Variants in ZFPM2 observed in about 807,000 individuals in gnomAD.
ZFPM2 encodes zinc finger protein, FOG family member 2, also known as zinc finger protein ZFPM2.
A neutral mutation model predicts 98.6 loss-of-function variants in ZFPM2; 20 were observed. That is an observed-to-expected ratio of 0.20 (90% CI 0.14 to 0.29). The LOEUF is 0.29. Ranked by LOEUF, ZFPM2 falls within the 10% of genes least tolerant of loss-of-function variation. ZFPM2 has a pLI of 1.00. For synonymous variants in ZFPM2, 518 were observed against 502.7 expected (o/e 1.03, Z -0.41); for missense variants, 1,310 against 1,388.6 (o/e 0.94, Z 0.90).
At chr8:105,416,423 G>T (rs1009523637) in intron 1 of ZFPM2, among the ~76,000 whole-genome samples, 4 of 151,448 alleles carry the variant, frequency 2.6e-5, no homozygotes, top group African/African-American at 9.7e-5. Flanking sequence ...TAAAAGGAAA[G>T]CATATATATT....
At chr8:105,532,805 T>G (rs10098139) in intron 3 of ZFPM2, among the ~76,000 whole-genome samples, 1 of 151,938 alleles carries the variant, frequency 6.6e-6, no homozygotes, top group African/African-American at 2.4e-5. Flanking sequence ...TCGTTATGGC[T>G]GGTTTACAAG....
At chr8:105,554,397 C>T (rs1346291479) in intron 3 of ZFPM2, among the ~76,000 whole-genome samples, 4 of 152,148 alleles carry the variant, frequency 2.6e-5, no homozygotes, top group African/African-American at 7.2e-5. Flanking sequence ...CTCTGCCATA[C>T]TTCAGCCACC....
intron 1 of ZFPM2, among the ~76,000 whole-genome samples, chr8:105,394,123 G>C (rs555985792): frequency 6.6e-6 from 1 of 152,124 alleles, no homozygotes; most frequent in East Asian, 1.9e-4. Flanking sequence ...TCTATCTCCT[G>C]ACCTAGTGAT....
chr8:105,357,086 C>G (rs531257077), intron 1 of ZFPM2, among the ~76,000 whole-genome samples: 1 of 140,166 alleles, frequency 7.1e-6, no homozygotes, highest in Non-Finnish European at 1.6e-5. Flanking sequence ...GGCTTCTGTT[C>G]CGGTGAAGTA....
intron 3 of ZFPM2, among the ~76,000 whole-genome samples, chr8:105,482,294 AG>A (rs1225331138): frequency 6.6e-6 from 1 of 152,164 alleles, no homozygotes; most frequent in Non-Finnish European, 1.5e-5. Flanking sequence ...ACTCTGATAT[AG>A]TATCTTTCCT....
intron 1 of ZFPM2, among the ~76,000 whole-genome samples, chr8:105,347,393 A>G (rs571119747): frequency 5.3e-5 from 8 of 152,262 alleles, no homozygotes; most frequent in South Asian, 4.1e-4. Context: ...CTTTTACTCT[A>G]TGGAGTTAAT....
chr8:105,633,806 G>T (rs553989497), intron 4 of ZFPM2, among the ~76,000 whole-genome samples: 1 of 152,218 alleles, frequency 6.6e-6, no homozygotes, highest in East Asian at 1.9e-4. Flanking sequence ...TGTTGCTCAG[G>T]ACAGAGCTTT....
At chr8:105,549,599 A>G (rs542458519) in intron 3 of ZFPM2, among the ~76,000 whole-genome samples, 18 of 77,822 alleles carry the variant, frequency 2.3e-4, no homozygotes, top group African/African-American at 8.3e-4. Context: ...TCCTTCCTCT[A>G]TCTCTCTCTC....
At chr8:105,350,348 A>G in intron 1 of ZFPM2, among the ~76,000 whole-genome samples, 1 of 152,146 alleles carries the variant, frequency 6.6e-6, no homozygotes, top group East Asian at 1.9e-4. Context: ...ATGGCAATCT[A>G]CTCCACATTG....
chr8:105,661,681 T>A (rs556592269), intron 5 of ZFPM2, among the ~76,000 whole-genome samples: 1 of 152,142 alleles, frequency 6.6e-6, no homozygotes, highest in South Asian at 2.1e-4. Context: ...TGGGGCTCTG[T>A]GATTTTTTTT....
At chr8:105,486,836 T>A (rs991999018) in intron 3 of ZFPM2, among the ~76,000 whole-genome samples, 4 of 152,228 alleles carry the variant, frequency 2.6e-5, no homozygotes, top group Admixed American at 6.5e-5. Context: ...TATACTTTTT[T>A]CCTCTGTAAG....
intron 3 of ZFPM2, among the ~76,000 whole-genome samples, chr8:105,480,467 A>G (rs530269845): frequency 8.3e-4 from 127 of 152,308 alleles, no homozygotes; most frequent in African/African-American, 2.9e-3. Flanking sequence ...TGCATGTGCT[A>G]CCGCAGAGAA....
chr8:105,585,708 A>T (rs968995916), intron 4 of ZFPM2, among the ~76,000 whole-genome samples: 32 of 152,236 alleles, frequency 2.1e-4, no homozygotes, highest in Middle Eastern at 3.4e-3. Flanking sequence ...AATAGAGGAA[A>T]TATAGTATAG....
intron 6 of ZFPM2, chr8:105,797,105 C>CCTCT (rs1217405489): frequency 6.6e-6 from 1 of 152,226 alleles, no homozygotes; most frequent in Non-Finnish European, 1.5e-5. Flanking sequence ...CATAATTCTT[C>CCTCT]CTCTCTGCCA....
intron 5 of ZFPM2, among the ~76,000 whole-genome samples, chr8:105,778,162 A>T (rs1221438155): frequency 6.6e-6 from 1 of 152,180 alleles, no homozygotes; most frequent in Non-Finnish European, 1.5e-5. Flanking sequence ...ACAGTATTGG[A>T]TTTGAATTCA....
chr8:105,436,029 A>G (rs1483756640), intron 2 of ZFPM2, among the ~76,000 whole-genome samples: 1 of 152,194 alleles, frequency 6.6e-6, no homozygotes, highest in African/African-American at 2.4e-5. Flanking sequence ...GAAAGCAATT[A>G]ATTAGCAAGT....
intron 4 of ZFPM2, among the ~76,000 whole-genome samples, chr8:105,599,062 C>T (rs1020025489): frequency 6.6e-6 from 1 of 152,032 alleles, no homozygotes; most frequent in African/African-American, 2.4e-5. Flanking sequence ...TCCAGAAATC[C>T]AAACTGTGGA....
At chr8:105,453,246 G>A (rs754389901) in intron 3 of ZFPM2, among the ~76,000 whole-genome samples, 28 of 152,158 alleles carry the variant, frequency 1.8e-4, no homozygotes, top group Non-Finnish European at 2.9e-4. Flanking sequence ...AACCAGAGTG[G>A]TCTCAACTTC....
At chr8:105,336,701 C>T (rs984499453) in intron 1 of ZFPM2, among the ~76,000 whole-genome samples, 4 of 149,836 alleles carry the variant, frequency 2.7e-5, no homozygotes, top group Admixed American at 1.3e-4. Flanking sequence ...CACACACACA[C>T]ACACACACAC....
Sources: allele counts gnomAD v4.1 joint callset (sites outside exome capture counted in the v4.1 genomes callset), GRCh38; gene constraint gnomAD v4.1.1; transcripts MANE v1.5; gene names NCBI Gene and HGNC (gene_info 2026-07-23, HGNC 2026-07-21).